GOLIM4: variants seen among roughly 807,000 people sequenced by gnomAD.
The protein encoded by GOLIM4 is golgi integral membrane protein 4, also known as 130 kDa golgi-localized phosphoprotein.
Under a neutral mutation model 107.4 loss-of-function variants are expected in GOLIM4, and 71 were observed. That is an observed-to-expected ratio of 0.66 (90% CI 0.55 to 0.81). GOLIM4 has a LOEUF of 0.81. GOLIM4 is among the 30% of genes least tolerant of loss of function. GOLIM4 has a pLI of 0.00. For missense variants in GOLIM4, 830 were observed against 826.1 expected (o/e 1.00, Z -0.06); for synonymous variants, 327 against 294.8 (o/e 1.11, Z -1.12).
intron 1 of GOLIM4, among the ~76,000 whole-genome samples, chr3:168,057,010 C>T (rs1720010380): frequency 6.6e-6 from 1 of 152,124 alleles, no homozygotes; most frequent in Non-Finnish European, 1.5e-5. Flanking sequence ...GTGTCCCCCA[C>T]CCAAATCTCA....
Position 168,095,441 on chromosome 3 carries a change from G to A in GOLIM4, c.-156C>T. On this transcript the variant is annotated 5_prime_UTR_variant, in exon 1 of 16. Coordinates refer to ENST00000470487, the MANE Select transcript of GOLIM4 (RefSeq NM_014498.5). ...CCGGCCCGGAGGGGAAGTGGCGCCC[G>A]CTCAGCCCCCGCGCGGCGCGGGGCG... 3.4e-6 allele frequency: 2 copies of A among 583,958 alleles called. No individual in the cohort carries two copies. The highest frequency in any genetic ancestry group is 5.8e-6 in the Non-Finnish European group (2 of 345,746). 36.2% of individuals were successfully genotyped at this position (583,958 alleles called of 1,614,324 possible).
chr3:168,030,390 C>T (rs1053361087), intron 9 of GOLIM4, among the ~76,000 whole-genome samples: 1 of 151,878 alleles, frequency 6.6e-6, no homozygotes, highest in Non-Finnish European at 1.5e-5. Context: ...GGTAACTTCA[C>T]ATTAACTGGG....
In GOLIM4 at chr3:168,010,785, C is replaced by CAGTTCCCTTTTTTT; in HGVS notation, c.1885_1898dup (p.Glu634LysfsTer89). 6.2e-7 allele frequency: 1 copy of CAGTTCCCTTTTTTT among 1,612,532 alleles called. No individual in the cohort carries two copies. Among genetic ancestry groups the CAGTTCCCTTTTTTT allele is most frequent in the Non-Finnish European group, 8.5e-7 (1 of 1,178,972 alleles). Reference sequence around the variant, plus strand: ...CATAGGTCTCTTCAGCATTATGCTCCAGTTCCCTTTTTTTCTCTTCAGTCA... The same window carrying CAGTTCCCTTTTTTT: ...CATAGGTCTCTTCAGCATTATGCTCCAGTTCCCTTTTTTTAGTTCCCTTTTTTTCTCTTCAGTCA... On this transcript the variant is annotated frameshift_variant, in exon 15 of 16. Coordinates refer to ENST00000470487, the MANE Select transcript of GOLIM4 (RefSeq NM_014498.5). LOFTEE classifies it low-confidence loss of function (END_TRUNC).
In GOLIM4 at chr3:168,093,629, A is replaced by T. The variant is rs1245102487; in HGVS notation, c.187+1470T>A. 3.3e-5 allele frequency among the ~76,000 whole-genome samples: 5 copies of T among 152,362 alleles called. No individual in the cohort carries two copies. In the East Asian group the frequency reaches 9.6e-4, roughly 29 times the overall value. ...ACTGATACCTTGTAAATAAATAAGT[A>T]AACAAATATCCATATTCTCATACCA... On this transcript the variant is annotated intron_variant, in intron 1 of 15. Coordinates refer to ENST00000470487, the MANE Select transcript of GOLIM4 (RefSeq NM_014498.5).
Position 168,095,205 on chromosome 3 carries a change from G to A in GOLIM4, c.81C>T (p.Leu27=), listed in dbSNP as rs1378246761. The change falls in exon 1 of 16, where the codon CTC becomes CTT. Residue 27 remains leucine, a synonymous_variant. Transcript: ENST00000470487. ...GCTCGTAGTAGAGCATCGCGCCGTA[G>A]AGAAAGCCGAACACGACGGTCAGCA... is the stretch of plus-strand genomic sequence containing the variant. ...LLLLTVVFGF[L]YGAMLYYELQ... The A allele has an allele frequency of 6.2e-7, 1 of 1,613,794 alleles. No homozygotes were observed.
intron 1 of GOLIM4, among the ~76,000 whole-genome samples, chr3:168,070,564 C>T (rs1050711981): frequency 2.0e-5 from 3 of 152,304 alleles, no homozygotes; most frequent in Non-Finnish European, 4.4e-5. Flanking sequence ...GAAACACAGA[C>T]TCAAAGGTAA....
intron 1 of GOLIM4, among the ~76,000 whole-genome samples, chr3:168,080,161 A>G (rs563801090): frequency 4.5e-4 from 68 of 152,304 alleles, no homozygotes; most frequent in Non-Finnish European, 8.1e-4. Flanking sequence ...AAATATGATT[A>G]GAGCTGCGGA....
chr3:168,068,989 A>G (rs1280001541), intron 1 of GOLIM4, among the ~76,000 whole-genome samples: 1 of 151,948 alleles, frequency 6.6e-6, no homozygotes, highest in African/African-American at 2.4e-5. Context: ...GGAGAATGCC[A>G]CCATGTCCGA....
At chr3:168,011,933 A>G (rs981789396) in intron 14 of GOLIM4, among the ~76,000 whole-genome samples, 30 of 147,656 alleles carry the variant, frequency 2.0e-4, no homozygotes, top group African/African-American at 8.0e-4. Flanking sequence ...ATAAAACCAC[A>G]AAGATGGGGA....
chr3:168,039,437 T>C (rs1035619078), intron 7 of GOLIM4, among the ~76,000 whole-genome samples: 4 of 151,888 alleles, frequency 2.6e-5, no homozygotes, highest in African/African-American at 4.8e-5. Context: ...CTAATTTTTG[T>C]ATTTTTAGTA....
chr3:168,041,289 CGTGGATTT>C (rs1432641415), intron 6 of GOLIM4, 95 bp downstream of exon 6: 1 of 692,844 alleles, frequency 1.4e-6, no homozygotes, highest in Non-Finnish European at 2.6e-6. Context: ...ACAATAACAA[CGTGGATTT>C]GTAAAGCAGG....
rs935283606 is a variant in GOLIM4 at position 168,032,738 on chromosome 3, G to A, written c.958C>T (p.Pro320Ser). Residue 320 changes from proline (P) to serine (S), a missense_variant, in exon 9 of 16, where the codon CCA becomes TCA. Transcript: ENST00000470487. ...KEAEFQAPPE[P>S]IQQEVERREP... ...CTGCGTTCCACTTCTTGTTGGATTG[G>A]CTCTGGGGGAGCCTGAAATTCTGCC... The A allele has an allele frequency of 5.0e-6, 8 of 1,613,866 alleles. No individual in the cohort carries two copies. Among genetic ancestry groups the A allele is most frequent in the Admixed American group, 1.7e-5 (1 of 59,984 alleles).
Position 168,095,297 on chromosome 3 carries a change from GA to G in GOLIM4, c.-13del. 1.9e-6 allele frequency: 3 copies of G among 1,609,416 alleles called. No individual in the cohort carries two copies. The highest frequency in any genetic ancestry group is 2.5e-6 in the Non-Finnish European group (3 of 1,178,606). On this transcript the variant is annotated 5_prime_UTR_variant, in exon 1 of 16. Transcript: ENST00000470487. ...ATCCCGTTTCCCATAGTCCCGCCTG[GA>G]CCCAAAGCCGCGGCCGCCCCCGCCG...
intron 1 of GOLIM4, among the ~76,000 whole-genome samples, chr3:168,048,737 C>G (rs932893287): frequency 6.6e-6 from 1 of 151,976 alleles, no homozygotes; most frequent in Non-Finnish European, 1.5e-5. Context: ...AGCAGTTACC[C>G]CCACATCTAC....
At chr3:168,070,545 C>G (rs749131003) in intron 1 of GOLIM4, among the ~76,000 whole-genome samples, 1 of 152,178 alleles carries the variant, frequency 6.6e-6, no homozygotes, top group Non-Finnish European at 1.5e-5. Context: ...AAGTAATTTT[C>G]TATCTGGTGA....
chr3:168,032,899 G>C lies in GOLIM4; in HGVS notation c.844-47C>G, dbSNP rs1223267092. On this transcript the variant is annotated intron_variant, in intron 8 of 15. Coordinates refer to ENST00000470487, the MANE Select transcript of GOLIM4 (RefSeq NM_014498.5). The stretch of plus-strand genomic sequence containing the variant: ...GAATGACACTCTTCCAATTTCAAAA[G>C]TAATGATGTAATTTCTTGATTTCCA... The C allele has an allele frequency of 2.9e-6, 4 of 1,381,422 alleles. No individual in the cohort carries two copies. The Admixed American group carries it at 5.8e-5, about 20-fold the overall frequency. The allele number at this position is 1,381,422 out of a possible 1,614,324, so 85.6% of individuals were successfully genotyped here.
At chr3:168,027,699 G>T in intron 12 of GOLIM4, 29 bp downstream of exon 12, 2 of 1,275,732 alleles carry the variant, frequency 1.6e-6, no homozygotes, top group African/African-American at 1.5e-5. Context: ...GAGTTTACAT[G>T]TGTCAGGGGC....
In GOLIM4 at chr3:168,044,553, G is replaced by A. The variant is rs568217623; in HGVS notation, c.366+275C>T. Among the ~76,000 whole-genome samples, 4 of 152,208 alleles carry A rather than the reference G, an allele frequency of 2.6e-5. No individual in the cohort carries two copies. The South Asian group carries it at 8.3e-4, about 32-fold the overall frequency. Reference sequence around the variant, plus strand: ...AAGTAAATGAACATAAAACCCTAATGGATAGAGAGAAGAAGAAAATTAAAA... The same window carrying A: ...AAGTAAATGAACATAAAACCCTAATAGATAGAGAGAAGAAGAAAATTAAAA... On this transcript the variant is annotated intron_variant, in intron 4 of 15. Transcript: ENST00000470487.
chr3:168,041,117 C>T (rs1718972985), intron 6 of GOLIM4: 1 of 503,660 alleles, frequency 2.0e-6, no homozygotes, highest in Non-Finnish European at 3.5e-6. Flanking sequence ...AAACAAATTT[C>T]TCATTATTAG....
Sources: gnomAD v4.1 joint callset for allele counts (sites outside exome capture counted in the v4.1 genomes callset) on GRCh38, gnomAD v4.1.1 for gene constraint, MANE v1.5 for transcripts, NCBI Gene and HGNC (gene_info 2026-07-23, HGNC 2026-07-21) for gene names.